The following WAPL variants were observed in gnomAD, a reference collection of about 807,000 sequenced individuals.
WAPL encodes WAPL cohesin release factor.
A neutral mutation model predicts 121.0 loss-of-function variants in WAPL; 5 were observed. That is an observed-to-expected ratio of 0.04 (90% CI 0.02 to 0.09). The LOEUF is 0.09. WAPL is among the 10% of genes least tolerant of loss of function. The pLI is 1.00. For missense variants in WAPL, 999 were observed against 1,410.8 expected (o/e 0.71, Z 4.68); for synonymous variants, 480 against 481.5 (o/e 1.00, Z 0.04).
intron 2 of WAPL, among the ~76,000 whole-genome samples, chr10:86,514,212 G>C (rs113072843): frequency 2.6e-5 from 4 of 152,120 alleles, no homozygotes; most frequent in African/African-American, 7.2e-5. Context: ...AGTTTAGAGG[G>C]GAGAGACAAA....
At chr10:86,484,312 A>G (rs1178641902) in intron 4 of WAPL, among the ~76,000 whole-genome samples, 2 of 152,092 alleles carry the variant, frequency 1.3e-5, no homozygotes, top group Admixed American at 6.6e-5. Context: ...CCTCGACAAC[A>G]TGGTGAAACC....
At chr10:86,509,469 CAAGT>C (rs1476856611) in intron 2 of WAPL, among the ~76,000 whole-genome samples, 4 of 152,260 alleles carry the variant, frequency 2.6e-5, no homozygotes, top group Admixed American at 6.5e-5. Context: ...CTAGAACAAG[CAAGT>C]AAGCCCATAG....
chr10:86,502,378 T>C (rs1454782753), intron 2 of WAPL, among the ~76,000 whole-genome samples: 1 of 152,232 alleles, frequency 6.6e-6, no homozygotes, highest in Non-Finnish European at 1.5e-5. Flanking sequence ...ATACTGCATG[T>C]AAGTTGTCTA....
chr10:86,507,481 C>T (rs893837455), intron 2 of WAPL, among the ~76,000 whole-genome samples: 88 of 151,688 alleles, frequency 5.8e-4, no homozygotes, highest in African/African-American at 2.1e-3. Flanking sequence ...CTCTTATTCA[C>T]TGTTCATGTA....
intron 15 of WAPL, 31 bp from the exon 16 acceptor site, chr10:86,446,480 A>G: frequency 1.9e-6 from 3 of 1,599,928 alleles, no homozygotes; most frequent in South Asian, 2.2e-5. Context: ...AGATCATTAA[A>G]AAGAGATTGC....
intron 8 of WAPL, among the ~76,000 whole-genome samples, chr10:86,469,419 A>AT (rs1317243893): frequency 6.6e-6 from 1 of 151,288 alleles, no homozygotes; most frequent in Non-Finnish European, 1.5e-5. Flanking sequence ...CGCCCGAGTA[A>AT]TTTTTTGCAT....
At chr10:86,459,521 T>C (rs1351052546) in intron 11 of WAPL, among the ~76,000 whole-genome samples, 2 of 152,216 alleles carry the variant, frequency 1.3e-5, no homozygotes, top group Non-Finnish European at 2.9e-5. Context: ...ACTTTTAAAA[T>C]AACCTGGTGA....
chr10:86,483,471 T>C (rs543842738), intron 4 of WAPL, among the ~76,000 whole-genome samples: 4 of 152,144 alleles, frequency 2.6e-5, no homozygotes, highest in Admixed American at 6.5e-5. Context: ...TAAGTAACAC[T>C]TGACAATGAA....
chr10:86,499,797 T>C lies in WAPL; in HGVS notation c.1446A>G (p.Thr482=), dbSNP rs1182239785. The change falls in exon 3 of 19, where the codon ACA becomes ACG. Residue 482 remains threonine, a synonymous_variant. Coordinates refer to ENST00000298767, the MANE Select transcript of WAPL (RefSeq NM_015045.5). ...ERKTSKKRTK[T]APSPSLQPPP... ...GAGGCTGCAAGGAGGGTGATGGAGCTGTTTTAGTTCTTTTTTTGCTTGTCT... is the reference window on the plus strand; with the variant it reads ...GAGGCTGCAAGGAGGGTGATGGAGCCGTTTTAGTTCTTTTTTTGCTTGTCT... The C allele has an allele frequency of 1.2e-6, 2 of 1,612,772 alleles. No individual in the cohort carries two copies. The highest frequency in any genetic ancestry group is 4.5e-5 in the East Asian group (2 of 44,884).
At chr10:86,467,072 G>T in intron 9 of WAPL, 1 of 517,456 alleles carries the variant, frequency 1.9e-6, no homozygotes, top group Non-Finnish European at 3.4e-6. Context: ...ACTATTTATT[G>T]GGCAAAAAGC....
At chr10:86,493,211 A>T (rs187459664) in intron 4 of WAPL, among the ~76,000 whole-genome samples, 15 of 152,316 alleles carry the variant, frequency 9.8e-5, no homozygotes, top group Admixed American at 9.2e-4. Flanking sequence ...TACAGTGATT[A>T]TCAGATTATA....
rs187445755 is a variant in WAPL at position 86,508,847 on chromosome 10, A to G, written c.500-8104T>C. Among the ~76,000 whole-genome samples the G allele has an allele frequency of 2.8e-4, 39 of 140,352 alleles. No homozygotes were observed. The East Asian group carries it at 5.0e-3, about 18-fold the overall frequency. 92.1% of individuals were successfully genotyped at this position (140,352 alleles called of 152,430 possible). A position where few individuals can be genotyped will look rare whatever the true frequency, so the allele number is the denominator to read the frequency against. On this transcript the variant is annotated intron_variant, in intron 2 of 18. Coordinates refer to ENST00000298767, the MANE Select transcript of WAPL (RefSeq NM_015045.5). Reference sequence around the variant, plus strand: ...TCGGCTCACTGCAAGCTCCGCCTCCAGAGTTCACGCCATTCTCCTGCCTCA... The same window carrying G: ...TCGGCTCACTGCAAGCTCCGCCTCCGGAGTTCACGCCATTCTCCTGCCTCA...
At chr10:86,446,529 G>T in intron 15 of WAPL, 80 bp from the exon 16 acceptor site, 1 of 1,392,868 alleles carries the variant, frequency 7.2e-7, no homozygotes, top group Non-Finnish European at 9.7e-7. Context: ...AGTTATAGTT[G>T]CTTTTAAATC....
rs1438275659 is a variant in WAPL at position 86,454,729 on chromosome 10, G to A, written c.2658-898C>T. On this transcript the variant is annotated intron_variant, in intron 12 of 18. Transcript: ENST00000298767. Reference sequence around the variant, plus strand: ...ATGTGAGGAGGCCCTCTGCCCGGCCGCCCAGCCTGGGAAGTGAGGAGTGCC... The same window carrying A: ...ATGTGAGGAGGCCCTCTGCCCGGCCACCCAGCCTGGGAAGTGAGGAGTGCC... 1.9e-4 allele frequency among the ~76,000 whole-genome samples: 28 copies of A among 149,640 alleles called. 5 individuals carry two copies. The highest frequency in any genetic ancestry group is 4.0e-4 in the East Asian group (2 of 4,978).
chr10:86,507,478 T>A (rs1054426738), intron 2 of WAPL, among the ~76,000 whole-genome samples: 1 of 151,998 alleles, frequency 6.6e-6, no homozygotes, highest in Non-Finnish European at 1.5e-5. Flanking sequence ...AACCTCTTAT[T>A]CACTGTTCAT....
In WAPL at chr10:86,495,230, G is replaced by A. The variant is rs558470842; in HGVS notation, c.1644+1971C>T. On this transcript the variant is annotated intron_variant, in intron 4 of 18. Transcript: ENST00000298767. ...GCTGGACCATATTACATTTTGGGAG[G>A]CCAAGGCAGGCAGATAGCCTGAGCC... Among the ~76,000 whole-genome samples, 6 of 152,294 alleles carry A rather than the reference G, an allele frequency of 3.9e-5. No homozygotes were observed. In the South Asian group the frequency reaches 1.2e-3, roughly 32 times the overall value.
intron 1 of WAPL, among the ~76,000 whole-genome samples, chr10:86,520,766 TAAAAAAAAAAA>T (rs10574217): frequency 1.0e-5 from 1 of 98,100 alleles, no homozygotes; most frequent in South Asian, 3.8e-4. Context: ...CGCTGTGATT[TAAAAAAAAAAA>T]AAAAAAAAAA....
intron 4 of WAPL, among the ~76,000 whole-genome samples, chr10:86,484,755 A>G (rs961766088): frequency 6.6e-6 from 1 of 152,256 alleles, no homozygotes; most frequent in East Asian, 1.9e-4. Context: ...TAGATACACA[A>G]ATACTTACCA....
chr10:86,475,112 G>A (rs1841622763), intron 4 of WAPL, among the ~76,000 whole-genome samples: 1 of 152,026 alleles, frequency 6.6e-6, no homozygotes, highest in African/African-American at 2.4e-5. Flanking sequence ...AACTTCCAGG[G>A]GATTTTCAGT....
Sources: gnomAD v4.1 joint callset for allele counts (sites outside exome capture counted in the v4.1 genomes callset) on GRCh38, gnomAD v4.1.1 for gene constraint, MANE v1.5 for transcripts, NCBI Gene and HGNC (gene_info 2026-07-23, HGNC 2026-07-21) for gene names.